The following FYB1 variants were observed in gnomAD, a reference collection of about 807,000 sequenced individuals.
The protein encoded by FYB1 is FYN binding protein 1, also known as FYN-binding protein 1.
A neutral mutation model predicts 94.1 loss-of-function variants in FYB1; 41 were observed. The observed-to-expected ratio is 0.44, with a 90% CI of 0.34 to 0.57. The LOEUF (loss-of-function observed/expected upper bound fraction) is 0.57, where lower values mean the gene tolerates loss of function less well. Among genes scored for constraint, FYB1 ranks in the 20% least tolerant of loss-of-function variants. The pLI is 0.02. For missense variants in FYB1, 1,050 were observed against 976.8 expected, an observed-to-expected ratio of 1.07 and a Z score of -1.00; for synonymous variants, 367 against 353.2, an observed-to-expected ratio of 1.04 and a Z score of -0.44.
Position 39,219,429 on chromosome 5 carries a change from G to A in FYB1, c.-28+14C>T, listed in dbSNP as rs1328142084. 1 of 985,432 alleles carries A rather than the reference G, an allele frequency of 1.0e-6. No homozygotes were observed. The highest frequency in any genetic ancestry group is 1.7e-5 in the African/African-American group (1 of 57,338). The allele number at this position is 985,432 out of a possible 1,614,324, so 61.0% of individuals were successfully genotyped here. On this transcript the variant is annotated intron_variant, in intron 1 of 18. Coordinates refer to ENST00000512982, the MANE Select transcript of FYB1 (RefSeq NM_001465.6). ...ACATTTATTTGAAAGAAGAAACCTA[G>A]GCATAGCTGTTACCTGACTCCTGCA...
At chr5:39,174,561 C>T (rs778387114) in intron 2 of FYB1, among the ~76,000 whole-genome samples, 12 of 152,164 alleles carry the variant, frequency 7.9e-5, no homozygotes, top group Non-Finnish European at 1.6e-4. Flanking sequence ...GAAAAACACT[C>T]TCCCTTTTTA....
intron 2 of FYB1, among the ~76,000 whole-genome samples, chr5:39,184,451 G>A (rs74876940): frequency 0.039 from 5,917 of 152,206 alleles, 389 homozygotes; most frequent in African/African-American, 0.13. Context: ...AGTTAAACGG[G>A]CTATTTTGGT....
At chr5:39,188,540 C>CTTTTTTT (rs35086739) in intron 2 of FYB1, among the ~76,000 whole-genome samples, 1 of 69,620 alleles carries the variant, frequency 1.4e-5, no homozygotes, top group Non-Finnish European at 2.6e-5. Flanking sequence ...AACTACAGCA[C>CTTTTTTT]TTTTTTTTTT....
chr5:39,110,053 G>C (rs1352570663), intron 17 of FYB1, among the ~76,000 whole-genome samples: 1 of 152,050 alleles, frequency 6.6e-6, no homozygotes, highest in East Asian at 1.9e-4. Flanking sequence ...TTGATGAAAA[G>C]GTTACTGGCT....
At position 39,125,999 on chromosome 5, in the gene FYB1, A is replaced by G. The variant is rs1451908546; in HGVS notation, c.2044T>C (p.Ser682Pro). 1.2e-6 allele frequency: 2 copies of G among 1,613,104 alleles called. No individual in the cohort carries two copies. The highest frequency in any genetic ancestry group is 3.3e-5 in the Admixed American group (2 of 59,910). ...VSDSDNNEGS[S>P]FPAPPKQLDM... The stretch of plus-strand genomic sequence containing the variant: ...TGGATTTGGTTGGTTGACTCTTACG[A>G]TGAACCTTCATTATTGTCTGAGTCA... The change falls in exon 12 of 19, where the codon TCT becomes CCT. Residue 682 changes from serine (S) to proline (P), a missense_variant and splice_region_variant. Transcript: ENST00000512982.
chr5:39,223,655 AATG>A (rs534083822), upstream of FYB1, among the ~76,000 whole-genome samples: 415 of 152,306 alleles, frequency 2.7e-3, 2 homozygotes, highest in Middle Eastern at 0.01. Context: ...ATTCTAAGCA[AATG>A]ATGAATGTCT....
rs767353710 is a variant in FYB1 at position 39,118,864 on chromosome 5, A to G, written c.2401+10T>C. 2.1e-6 allele frequency: 3 copies of G among 1,457,158 alleles called. No individual in the cohort carries two copies. Among genetic ancestry groups the G allele is most frequent in the Non-Finnish European group, 2.8e-6 (3 of 1,089,924 alleles). The allele number at this position is 1,457,158 out of a possible 1,614,324, so 90.3% of individuals were successfully genotyped here. On this transcript the variant is annotated intron_variant, in intron 16 of 18. Coordinates refer to ENST00000512982, the MANE Select transcript of FYB1 (RefSeq NM_001465.6). ...TATATGCACATATTATAGTATAAGC[A>G]GTGACTTACATTTCCCTTCTTCATT...
At chr5:39,161,744 G>A (rs1744265641) in intron 2 of FYB1, among the ~76,000 whole-genome samples, 1 of 151,900 alleles carries the variant, frequency 6.6e-6, no homozygotes, top group African/African-American at 2.4e-5. Flanking sequence ...CAACTCCATG[G>A]TATTAATATA....
chr5:39,233,724 C>G (rs190883360), intron 1 of FYB1, among the ~76,000 whole-genome samples: 1 of 152,212 alleles, frequency 6.6e-6, no homozygotes, highest in Admixed American at 6.6e-5. Context: ...GCTCTGCATT[C>G]AGTCTGTTGT....
At chr5:39,227,650 C>T (rs952450028) in intron 1 of FYB1, among the ~76,000 whole-genome samples, 1 of 152,162 alleles carries the variant, frequency 6.6e-6, no homozygotes, top group African/African-American at 2.4e-5. Flanking sequence ...GCTTTCCATG[C>T]AAAGTCTGAT....
At chr5:39,112,284 A>AT (rs1267185976) in intron 16 of FYB1, among the ~76,000 whole-genome samples, 2 of 151,870 alleles carry the variant, frequency 1.3e-5, no homozygotes, top group Admixed American at 6.6e-5. Flanking sequence ...TTCATTTTGG[A>AT]TTTTTTCCTA....
chr5:39,120,224 TTG>T (rs10532379), intron 14 of FYB1, among the ~76,000 whole-genome samples: 37,735 of 147,116 alleles, frequency 0.26, 4,855 homozygotes, highest in African/African-American at 0.34. Flanking sequence ...CCTTTATCAA[TTG>T]TGTGTGTGTG....
chr5:39,110,244 T>G, intron 17 of FYB1, 112 bp downstream of exon 17: 1 of 635,424 alleles, frequency 1.6e-6, no homozygotes, highest in Non-Finnish European at 2.7e-6. Context: ...GTTTTTAAAT[T>G]TATTTATGAT....
intron 2 of FYB1, among the ~76,000 whole-genome samples, chr5:39,195,109 A>G (rs888374008): frequency 3.3e-5 from 5 of 152,120 alleles, no homozygotes; most frequent in African/African-American, 1.2e-4. Context: ...GTGTCCTGTA[A>G]TAGTCCAGTC....
intron 2 of FYB1, among the ~76,000 whole-genome samples, chr5:39,196,942 A>G (rs1385730307): frequency 2.6e-5 from 4 of 152,246 alleles, no homozygotes; most frequent in Admixed American, 2.6e-4. Flanking sequence ...TGTATGTGGT[A>G]TATAGCAAGT....
chr5:39,111,165 A>T (rs1432303466), intron 16 of FYB1, among the ~76,000 whole-genome samples: 2 of 151,940 alleles, frequency 1.3e-5, no homozygotes, highest in Non-Finnish European at 2.9e-5. Flanking sequence ...GAAAAATAGG[A>T]ACTATTTTTC....
intron 1 of FYB1, among the ~76,000 whole-genome samples, chr5:39,226,104 C>T (rs1389129412): frequency 6.6e-6 from 1 of 152,196 alleles, no homozygotes; most frequent in African/African-American, 2.4e-5. Context: ...CAGGCACCAT[C>T]TACACAAGAC....
chr5:39,234,644 A>T (rs1750880283), intron 1 of FYB1, among the ~76,000 whole-genome samples: 1 of 152,174 alleles, frequency 6.6e-6, no homozygotes, highest in Non-Finnish European at 1.5e-5. Context: ...AACCAACCTA[A>T]ATGCCCATCA....
intron 2 of FYB1, among the ~76,000 whole-genome samples, chr5:39,163,500 A>G (rs1185002262): frequency 6.6e-6 from 1 of 152,188 alleles, no homozygotes; most frequent in African/African-American, 2.4e-5. Context: ...AACTCTTCCA[A>G]CTCAGATCTA....
Sources: gnomAD v4.1 joint callset for allele counts (sites outside exome capture counted in the v4.1 genomes callset) on GRCh38, gnomAD v4.1.1 for gene constraint, MANE v1.5 for transcripts, NCBI Gene and HGNC (gene_info 2026-07-23, HGNC 2026-07-21) for gene names.